The following SMYD3 variants were observed in gnomAD, a reference collection of about 807,000 sequenced individuals.
The protein encoded by SMYD3 is histone-lysine N-methyltransferase SMYD3.
SMYD3 carries 36 observed loss-of-function variants against 57.7 expected under a neutral mutation model. That is an observed-to-expected ratio of 0.62 (90% CI 0.48 to 0.82). The LOEUF (loss-of-function observed/expected upper bound fraction) is 0.82, where lower values mean the gene tolerates loss of function less well. SMYD3 is among the 40% of genes least tolerant of loss of function. The pLI is 0.00. For missense variants in SMYD3, 515 were observed against 538.8 expected (o/e 0.96, Z 0.44); for synonymous variants, 211 against 195.0 (o/e 1.08, Z -0.68).
Position 246,259,765 on chromosome 1 carries a change from C to T in SMYD3, c.531+67436G>A, listed in dbSNP as rs146098822. Among the ~76,000 whole-genome samples the T allele has an allele frequency of 6.5e-3, 994 of 152,306 alleles. 5 individuals are homozygous for T. Among genetic ancestry groups the T allele is most frequent in the Middle Eastern group, 0.027 (8 of 294 alleles). On this transcript the variant is annotated intron_variant, in intron 5 of 11. Transcript: ENST00000490107. ...GACTGGTCAGGTCCACCTAAAGGTC[C>T]CCTGATACAGGCACAAGCACCAGCA...
At chr1:245,949,953 A>T (rs887749396) in intron 5 of SMYD3, among the ~76,000 whole-genome samples, 2 of 152,062 alleles carry the variant, frequency 1.3e-5, no homozygotes, top group African/African-American at 4.8e-5. Context: ...AAAAAACTGG[A>T]AGGAGCACAA....
At chr1:245,903,801 G>C (rs1049164169) in intron 8 of SMYD3, among the ~76,000 whole-genome samples, 6 of 152,218 alleles carry the variant, frequency 3.9e-5, no homozygotes, top group Admixed American at 3.9e-4. Flanking sequence ...GCTGGAGCAG[G>C]TGGGATGCCC....
At chr1:245,853,256 A>C (rs2051066127) in intron 10 of SMYD3, among the ~76,000 whole-genome samples, 1 of 152,194 alleles carries the variant, frequency 6.6e-6, no homozygotes, top group African/African-American at 2.4e-5. Flanking sequence ...GAAAAGTTCT[A>C]AACTAGATAC....
At chr1:246,278,862 G>A (rs2064387633) in intron 5 of SMYD3, among the ~76,000 whole-genome samples, 2 of 152,132 alleles carry the variant, frequency 1.3e-5, no homozygotes, top group Admixed American at 1.3e-4. Context: ...TACCTAAATG[G>A]TTAAAAAGAA....
chr1:246,267,617 T>C (rs1028147918), intron 5 of SMYD3, among the ~76,000 whole-genome samples: 1 of 152,218 alleles, frequency 6.6e-6, no homozygotes, highest in African/African-American at 2.4e-5. Flanking sequence ...CCTCCTCTCC[T>C]GTCTGCCTGT....
chr1:246,405,945 G>A (rs1277830240), intron 1 of SMYD3, among the ~76,000 whole-genome samples: 1 of 150,264 alleles, frequency 6.7e-6, no homozygotes, highest in African/African-American at 2.4e-5. Context: ...AAAGAAAAAA[G>A]AATGGACTCT....
intron 5 of SMYD3, among the ~76,000 whole-genome samples, chr1:246,169,381 CAAAA>C (rs55719556): frequency 9.7e-5 from 6 of 61,884 alleles, no homozygotes; most frequent in African/African-American, 3.2e-4. Flanking sequence ...GACTTTCTTT[CAAAA>C]AAAAAAAAAA....
At chr1:246,485,613 C>CA (rs990533640) in intron 1 of SMYD3, among the ~76,000 whole-genome samples, 41 of 151,680 alleles carry the variant, frequency 2.7e-4, no homozygotes, top group East Asian at 7.7e-4. Flanking sequence ...GAGACCCCCC[C>CA]CCACATCTCT....
At chr1:246,197,049 A>C (rs1389643906) in intron 5 of SMYD3, among the ~76,000 whole-genome samples, 1 of 152,218 alleles carries the variant, frequency 6.6e-6, no homozygotes, top group East Asian at 1.9e-4. Context: ...CACAGAAATC[A>C]ACTGAAAAAG....
At chr1:246,445,498 T>C (rs116004555) in intron 1 of SMYD3, among the ~76,000 whole-genome samples, 1,974 of 152,322 alleles carry the variant, frequency 0.013, 44 homozygotes, top group African/African-American at 0.045. Context: ...ACCCAAGGGA[T>C]AAACAGCACT....
chr1:245,773,046 C>T lies in SMYD3; in HGVS notation c.1077-8897G>A, dbSNP rs141052237. Reference sequence around the variant, plus strand: ...GTAATTAGTGGAATGCACTGTTGCACCCACATGGAGATTACACACTGGGTT... The same window carrying T: ...GTAATTAGTGGAATGCACTGTTGCATCCACATGGAGATTACACACTGGGTT... On this transcript the variant is annotated intron_variant, in intron 10 of 11. Transcript: ENST00000490107. Among the ~76,000 whole-genome samples, 113 of 148,486 alleles carry T rather than the reference C, an allele frequency of 7.6e-4. No individual in the cohort carries two copies. In the East Asian group the frequency reaches 0.019, roughly 24 times the overall value.
rs566954715 is a variant in SMYD3, at chr1:246,240,003, T to C, written c.531+87198A>G. On this transcript the variant is annotated intron_variant, in intron 5 of 11. Transcript: ENST00000490107. ...TTCTGGATATCAGCCCTTTGTCAGA[T>C]GAGTAGATTGTAAAAATTTTCTCCC... 1.8e-3 allele frequency among the ~76,000 whole-genome samples: 279 copies of C among 152,350 alleles called. 1 individual carries two copies. The highest frequency in any genetic ancestry group is 6.4e-3 in the African/African-American group (267 of 41,592).
chr1:246,019,796 C>CATACAT (rs2059438771), intron 5 of SMYD3, among the ~76,000 whole-genome samples: 1 of 151,980 alleles, frequency 6.6e-6, no homozygotes, highest in East Asian at 1.9e-4. Context: ...TATAAATGTA[C>CATACAT]ATATATAAAA....
intron 10 of SMYD3, among the ~76,000 whole-genome samples, chr1:245,766,400 T>TAAAAAAAA (rs35500837): frequency 9.8e-6 from 1 of 101,760 alleles, no homozygotes; most frequent in Non-Finnish European, 2.0e-5. Context: ...GACTCTGTCT[T>TAAAAAAAA]AAAAAAAAAA....
At chr1:246,176,329 G>A (rs996915044) in intron 5 of SMYD3, among the ~76,000 whole-genome samples, 1 of 152,146 alleles carries the variant, frequency 6.6e-6, no homozygotes, top group Non-Finnish European at 1.5e-5. Flanking sequence ...CGGCTCTTAA[G>A]AAGGACTATA....
chr1:246,143,238 G>A (rs2061790195), intron 5 of SMYD3, among the ~76,000 whole-genome samples: 1 of 152,068 alleles, frequency 6.6e-6, no homozygotes, highest in Admixed American at 6.5e-5. Context: ...GACTCTTAGT[G>A]AATCATGCAT....
chr1:245,905,999 G>T (rs190131813), intron 8 of SMYD3, among the ~76,000 whole-genome samples: 2 of 152,074 alleles, frequency 1.3e-5, no homozygotes, highest in Admixed American at 1.3e-4. Context: ...AAAATCAAAT[G>T]GATTAAAGAC....
At chr1:246,029,312 G>A (rs12076745) in intron 5 of SMYD3, among the ~76,000 whole-genome samples, 4,398 of 152,196 alleles carry the variant, frequency 0.029, 218 homozygotes, top group African/African-American at 0.1. Context: ...GTTCAGCAAG[G>A]AATTAATATC....
At chr1:245,852,407 G>A (rs2148458185) in intron 10 of SMYD3, among the ~76,000 whole-genome samples, 1 of 152,324 alleles carries the variant, frequency 6.6e-6, no homozygotes, top group Middle Eastern at 3.4e-3. Flanking sequence ...CTCAAGCAAG[G>A]TGATTAGGGC....
Sources: gnomAD v4.1 joint callset for allele counts (sites outside exome capture counted in the v4.1 genomes callset) on GRCh38, gnomAD v4.1.1 for gene constraint, MANE v1.5 for transcripts, NCBI Gene and HGNC (gene_info 2026-07-23, HGNC 2026-07-21) for gene names.